Variants in TMEFF1 observed in about 807,000 individuals in gnomAD.
TMEFF1 encodes tomoregulin-1.
A neutral mutation model predicts 47.5 loss-of-function variants in TMEFF1; 20 were observed. The ratio of observed to expected loss-of-function variants is 0.42; its 90% confidence interval spans 0.30 to 0.61. The LOEUF is 0.61. Among genes scored for constraint, TMEFF1 ranks in the 20% least tolerant of loss-of-function variants. TMEFF1 has a pLI of 0.19. For synonymous variants in TMEFF1, 162 were observed against 166.3 expected (o/e 0.97, Z 0.20); for missense variants, 411 against 471.1 (o/e 0.87, Z 1.18).
intron 3 of TMEFF1, 137 bp from the exon 4 acceptor site, chr9:100,513,170 T>C: frequency 8.4e-7 from 1 of 1,190,498 alleles, no homozygotes; most frequent in Non-Finnish European, 1.2e-6. Flanking sequence ...TAAGAATAAA[T>C]AAGATATCAA....
chr9:100,555,191 ACACG>A lies in TMEFF1; in HGVS notation c.775+5035_775+5038del, dbSNP rs1554689188. ...CACACACACACACACACACACACAC[ACACG>A]CACACACATTGTTGCAGTTGCAACA... On this transcript the variant is annotated intron_variant, in intron 7 of 9. Coordinates refer to ENST00000374879, the MANE Select transcript of TMEFF1 (RefSeq NM_003692.5). Among the ~76,000 whole-genome samples, 12 of 151,364 alleles carry A rather than the reference ACACG, an allele frequency of 7.9e-5. 1 individual carries two copies. The South Asian group carries it at 2.3e-3, about 29-fold the overall frequency.
chr9:100,575,846 A>G (rs1360978189), intron 9 of TMEFF1, among the ~76,000 whole-genome samples: 1 of 151,978 alleles, frequency 6.6e-6, no homozygotes, highest in Non-Finnish European at 1.5e-5. Context: ...TGCAGGCACA[A>G]GAGCAGTTCC....
intron 5 of TMEFF1, among the ~76,000 whole-genome samples, chr9:100,524,783 T>C (rs567960240): frequency 6.6e-6 from 1 of 152,152 alleles, no homozygotes; most frequent in Non-Finnish European, 1.5e-5. Flanking sequence ...CTGGGGCACA[T>C]GTGCACAACG....
At chr9:100,545,413 A>G (rs1554688185) in intron 5 of TMEFF1, among the ~76,000 whole-genome samples, 1 of 152,156 alleles carries the variant, frequency 6.6e-6, no homozygotes, top group Non-Finnish European at 1.5e-5. Flanking sequence ...CAAGCTCTAC[A>G]TTGGTCCCTT....
At chr9:100,516,508 C>G (rs1398409136) in intron 4 of TMEFF1, among the ~76,000 whole-genome samples, 167 bp from the exon 5 acceptor site, 1 of 152,170 alleles carries the variant, frequency 6.6e-6, no homozygotes, top group African/African-American at 2.4e-5. Context: ...GTACTCAGTA[C>G]TGGCAACATT....
At chr9:100,496,364 C>A (rs1837648191) in intron 1 of TMEFF1, among the ~76,000 whole-genome samples, 1 of 152,168 alleles carries the variant, frequency 6.6e-6, no homozygotes, top group African/African-American at 2.4e-5. Context: ...CTCAGCCTCC[C>A]AAGTAGCTGG....
chr9:100,486,427 A>T (rs980405077), intron 1 of TMEFF1, among the ~76,000 whole-genome samples: 1 of 151,616 alleles, frequency 6.6e-6, no homozygotes, highest in Non-Finnish European at 1.5e-5. Flanking sequence ...TTTTTAGTAA[A>T]GATGGGGTTT....
intron 5 of TMEFF1, among the ~76,000 whole-genome samples, chr9:100,517,743 C>G (rs544276241): frequency 3.9e-5 from 6 of 152,248 alleles, no homozygotes; most frequent in African/African-American, 1.2e-4. Context: ...TGACCCATGT[C>G]CATTCATTTC....
chr9:100,537,111 T>C (rs1378359788), intron 5 of TMEFF1, among the ~76,000 whole-genome samples: 2 of 152,222 alleles, frequency 1.3e-5, no homozygotes, highest in African/African-American at 4.8e-5. Flanking sequence ...GGTGACATGT[T>C]TTGCAGGCCA....
chr9:100,565,477 A>G (rs1181064009), intron 8 of TMEFF1, among the ~76,000 whole-genome samples: 1 of 151,954 alleles, frequency 6.6e-6, no homozygotes, highest in Non-Finnish European at 1.5e-5. Context: ...AAAGCACACC[A>G]CCGGTTAACT....
intron 6 of TMEFF1, 122 bp from the exon 7 acceptor site, chr9:100,549,973 C>A: frequency 1.8e-6 from 2 of 1,132,272 alleles, no homozygotes; most frequent in South Asian, 2.0e-5. Flanking sequence ...TGGTAGACAA[C>A]ATGAGCAGGA....
intron 5 of TMEFF1, among the ~76,000 whole-genome samples, chr9:100,526,999 C>A (rs1390279160): frequency 6.8e-6 from 1 of 147,856 alleles, no homozygotes; most frequent in Admixed American, 6.7e-5. Context: ...AAAAATTAGC[C>A]GGGCGTGGTG....
At chr9:100,512,325 C>A (rs75640223) in intron 3 of TMEFF1, among the ~76,000 whole-genome samples, 4,387 of 152,170 alleles carry the variant, frequency 0.029, 86 homozygotes, top group Non-Finnish European at 0.048. Context: ...GTACTGCATA[C>A]AATATATATT....
intron 5 of TMEFF1, among the ~76,000 whole-genome samples, chr9:100,540,767 C>T (rs1388544843): frequency 6.6e-6 from 1 of 152,174 alleles, no homozygotes; most frequent in Non-Finnish European, 1.5e-5. Context: ...TTGCCAATTT[C>T]GTGAGTGTGG....
chr9:100,520,916 C>G (rs955604058), intron 5 of TMEFF1, among the ~76,000 whole-genome samples: 4 of 152,126 alleles, frequency 2.6e-5, no homozygotes, highest in Non-Finnish European at 5.9e-5. Flanking sequence ...CTTCATTTAG[C>G]TTTGTGTTTT....
intron 6 of TMEFF1, among the ~76,000 whole-genome samples, chr9:100,549,588 C>T (rs1838796256): frequency 6.6e-6 from 1 of 152,200 alleles, no homozygotes; most frequent in African/African-American, 2.4e-5. Context: ...TACTGGGAAG[C>T]TTGTGCTTCT....
chr9:100,537,939 T>C (rs951818161), intron 5 of TMEFF1, among the ~76,000 whole-genome samples: 1 of 152,210 alleles, frequency 6.6e-6, no homozygotes, highest in Non-Finnish European at 1.5e-5. Flanking sequence ...TTTTTCTGTT[T>C]CCTTAATTTT....
At chr9:100,526,730 CTTTTG>C (rs1838259677) in intron 5 of TMEFF1, among the ~76,000 whole-genome samples, 1 of 151,686 alleles carries the variant, frequency 6.6e-6, no homozygotes, top group Non-Finnish European at 1.5e-5. Context: ...TATAATTGTT[CTTTTG>C]TTTAGTTTTT....
At chr9:100,532,447 CAAAAG>C (rs1838403784) in intron 5 of TMEFF1, among the ~76,000 whole-genome samples, 1 of 152,150 alleles carries the variant, frequency 6.6e-6, no homozygotes, top group Admixed American at 6.5e-5. Flanking sequence ...AGACATTTCT[CAAAAG>C]AAGACATTTA....
Sources: gnomAD v4.1 joint callset for allele counts (sites outside exome capture counted in the v4.1 genomes callset) on GRCh38, gnomAD v4.1.1 for gene constraint, MANE v1.5 for transcripts, NCBI Gene and HGNC (gene_info 2026-07-23, HGNC 2026-07-21) for gene names.